The following TFCP2 variants were observed in gnomAD, a reference collection of about 807,000 sequenced individuals.
TFCP2 encodes transcription factor CP2.
Under a neutral mutation model 73.4 loss-of-function variants are expected in TFCP2, and 33 were observed. The ratio of observed to expected loss-of-function variants is 0.45; its 90% CI spans 0.34 to 0.60. TFCP2 has a LOEUF of 0.60. Ranked by LOEUF, TFCP2 falls within the 20% of genes least tolerant of loss-of-function variation. The pLI, the probability that TFCP2 is intolerant of heterozygous loss-of-function variation, is 0.01. For synonymous variants in TFCP2, 193 were observed against 211.6 expected (o/e 0.91, Z 0.76); for missense variants, 352 against 604.0 (o/e 0.58, Z 4.37).
chr12:51,147,531 G>GC (rs1941324945), intron 1 of TFCP2, among the ~76,000 whole-genome samples: 1 of 151,668 alleles, frequency 6.6e-6, no homozygotes, highest in African/African-American at 2.4e-5. Context: ...GGAAGAGGTG[G>GC]GGGGGGAAAG....
At chr12:51,127,832 G>A (rs1314403159) in intron 1 of TFCP2, among the ~76,000 whole-genome samples, 1 of 152,168 alleles carries the variant, frequency 6.6e-6, no homozygotes, top group Non-Finnish European at 1.5e-5. Flanking sequence ...TGAGACCCAT[G>A]AGTGACACTG....
chr12:51,130,931 T>C (rs1940929806), intron 1 of TFCP2, among the ~76,000 whole-genome samples: 1 of 151,164 alleles, frequency 6.6e-6, no homozygotes, highest in Non-Finnish European at 1.5e-5. Flanking sequence ...GGGGTTGCAG[T>C]GAGCCGAGAT....
chr12:51,167,648 C>G (rs1166318377), intron 1 of TFCP2, among the ~76,000 whole-genome samples: 1 of 152,150 alleles, frequency 6.6e-6, no homozygotes, highest in Admixed American at 6.6e-5. Flanking sequence ...CCTGCCTCAG[C>G]CTCCCAAAGT....
At position 51,172,345 on chromosome 12, in the gene TFCP2, C is replaced by T. The variant is rs1458397236; in HGVS notation, c.78G>A (p.Leu26=). The change falls in exon 1 of 15, where the codon CTG becomes CTA. Residue 26 remains leucine (L), a synonymous_variant. Coordinates refer to ENST00000257915, the MANE Select transcript of TFCP2 (RefSeq NM_005653.5). ...CACCCAGTTCCTGGCCGATCCCGGA[C>T]AGGCTAGCATCAAAGTCCTGCACCA... ...SGLVQDFDAS[L]SGIGQELGAG... is the part of the protein sequence containing the mutation. 6.2e-7 allele frequency: 1 copy of T among 1,614,064 alleles called. No homozygotes were observed. Among genetic ancestry groups the T allele is most frequent in the African/African-American group, 1.3e-5 (1 of 74,924 alleles).
At chr12:51,167,380 G>T (rs1941776154) in intron 1 of TFCP2, among the ~76,000 whole-genome samples, 1 of 142,380 alleles carries the variant, frequency 7.0e-6, no homozygotes, top group East Asian at 2.1e-4. Context: ...TAAAGATGTA[G>T]AACGTCAGAC....
intron 1 of TFCP2, among the ~76,000 whole-genome samples, chr12:51,123,569 CTTTA>C (rs1220606950): frequency 6.6e-6 from 1 of 152,142 alleles, no homozygotes; most frequent in African/African-American, 2.4e-5. Context: ...TTTCTGATTG[CTTTA>C]TGTATTTAAT....
In TFCP2 at chr12:51,097,824, C is replaced by T. The variant is rs1940004419; in HGVS notation, c.1419+952G>A. ...TTGAGGCCAGGAGTTCGAGACCAGA[C>T]TGGCCACATGGTGAAACCCAGCCTC... On this transcript the variant is annotated intron_variant, in intron 13 of 14. Coordinates refer to ENST00000257915, the MANE Select transcript of TFCP2 (RefSeq NM_005653.5). 2.0e-5 allele frequency among the ~76,000 whole-genome samples: 3 copies of T among 151,768 alleles called. No homozygotes were observed. The South Asian group carries it at 6.3e-4, about 32-fold the overall frequency.
chr12:51,096,236 A>T (rs910008638), intron 13 of TFCP2, among the ~76,000 whole-genome samples, 196 bp from the exon 14 acceptor site: 4 of 152,350 alleles, frequency 2.6e-5, no homozygotes, highest in African/African-American at 9.6e-5. Flanking sequence ...ATATTAAAAA[A>T]CTAAGCAGAT....
chr12:51,124,975 A>G (rs1170220706), intron 1 of TFCP2: 2 of 739,018 alleles, frequency 2.7e-6, no homozygotes, highest in Non-Finnish European at 5.0e-6. Context: ...ACCTGCCTGG[A>G]GACCAGCTCT....
At chr12:51,165,472 CA>C (rs1475692620) in intron 1 of TFCP2, among the ~76,000 whole-genome samples, 1 of 151,196 alleles carries the variant, frequency 6.6e-6, no homozygotes, top group East Asian at 1.9e-4. Flanking sequence ...AGCAAAAGTT[CA>C]AAGACATTAT....
intron 1 of TFCP2, among the ~76,000 whole-genome samples, chr12:51,135,824 G>C (rs1424654117): frequency 1.3e-5 from 2 of 152,086 alleles, no homozygotes; most frequent in Non-Finnish European, 2.9e-5. Flanking sequence ...ACCACAAAGG[G>C]TGAGGGAATT....
chr12:51,102,803 C>A (rs1033557108), intron 10 of TFCP2, among the ~76,000 whole-genome samples: 2 of 152,130 alleles, frequency 1.3e-5, no homozygotes, highest in African/African-American at 2.4e-5. Context: ...CCATGAACGT[C>A]TTACTGTCAC....
chr12:51,125,531 A>G, intron 1 of TFCP2: 1 of 356,934 alleles, frequency 2.8e-6, no homozygotes, highest in Non-Finnish European at 5.5e-6. Flanking sequence ...CTAATTGAAA[A>G]GTAACTAATA....
At position 51,098,877 on chromosome 12, in the gene TFCP2, A is replaced by G. The variant is rs201600256; in HGVS notation, c.1318T>C (p.Leu440=). ...AAAAGCTGAGCAATTTTTTCTGTCA[A>G]TTCAACAGCTGTTAGTTCTTCTAGA... ...IYLEELTAVE[L]TEKIAQLFSI... Residue 440 remains leucine, a synonymous_variant, in exon 13 of 15, where the codon TTG becomes CTG. Coordinates refer to ENST00000257915, the MANE Select transcript of TFCP2 (RefSeq NM_005653.5). 8.4e-5 allele frequency: 136 copies of G among 1,614,156 alleles called. 1 individual carries two copies. In the East Asian group the frequency reaches 2.7e-3, roughly 32 times the overall value.
At chr12:51,106,924 A>G (rs1364429440) in intron 7 of TFCP2, 2 of 511,212 alleles carry the variant, frequency 3.9e-6, no homozygotes, top group Non-Finnish European at 3.6e-6. Context: ...GTTTATGCCC[A>G]AGATGAAACT....
At chr12:51,161,675 G>A (rs1342829709) in intron 1 of TFCP2, among the ~76,000 whole-genome samples, 3 of 87,774 alleles carry the variant, frequency 3.4e-5, no homozygotes, top group Non-Finnish European at 8.2e-5. Flanking sequence ...GTGAGACTCT[G>A]TCTCAAAAAA....
At chr12:51,126,638 A>G (rs972853725) in intron 1 of TFCP2, among the ~76,000 whole-genome samples, 1 of 152,224 alleles carries the variant, frequency 6.6e-6, no homozygotes, top group African/African-American at 2.4e-5. Flanking sequence ...AGTAGATAGC[A>G]TCTAAGGAAC....
At chr12:51,152,101 GA>G (rs1941440772) in intron 1 of TFCP2, among the ~76,000 whole-genome samples, 1 of 152,070 alleles carries the variant, frequency 6.6e-6, no homozygotes, top group African/African-American at 2.4e-5. Flanking sequence ...AAAGGCAAAT[GA>G]ATAACTTTAT....
Position 51,157,681 on chromosome 12 carries a change from C to CTTTTTTTTTTT in TFCP2, c.122+14619_122+14620insAAAAAAAAAAA, listed in dbSNP as rs770963610. Among the ~76,000 whole-genome samples the CTTTTTTTTTTT allele has an allele frequency of 5.2e-5, 4 of 77,288 alleles. 1 individual carries two copies. Among genetic ancestry groups the CTTTTTTTTTTT allele is most frequent in the South Asian group, 1.1e-3 (2 of 1,754 alleles). The allele number at this position is 77,288 out of a possible 152,430, so 50.7% of individuals were successfully genotyped here. ...TTCAGTAATTTGAGTTTTTTCTTTT[C>CTTTTTTTTTTT]TTTTCTTTTTTTTTTTTTTTTTTGA... On this transcript the variant is annotated intron_variant, in intron 1 of 14. Transcript: ENST00000257915.
Sources: gnomAD v4.1 joint callset for allele counts (sites outside exome capture counted in the v4.1 genomes callset) on GRCh38, gnomAD v4.1.1 for gene constraint, MANE v1.5 for transcripts, NCBI Gene and HGNC (gene_info 2026-07-23, HGNC 2026-07-21) for gene names.